CXorf58: variants seen among roughly 807,000 people sequenced by gnomAD.
The protein encoded by CXorf58 is chromosome X open reading frame 58, also known as uncharacterized protein CXorf58.
Under a neutral mutation model 26.0 loss-of-function variants are expected in CXorf58, and 24 were observed. The observed-to-expected ratio is 0.92, with a 90% confidence interval of 0.67 to 1.30. The LOEUF is 1.30. Among genes scored for constraint, CXorf58 ranks in the 50% most tolerant of loss-of-function variants. CXorf58 has a pLI of 0.00. For synonymous variants in CXorf58, 87 were observed against 86.1 expected (o/e 1.01, Z -0.06); for missense variants, 236 against 263.9 (o/e 0.89, Z 0.73).
intron 7 of CXorf58, among the ~76,000 whole-genome samples, chrX:23,936,450 G>A (rs1928299757): frequency 8.9e-6 from 1 of 111,771 alleles, no homozygotes; most frequent in Admixed American, 9.6e-5. Context: ...GGATGTTGTA[G>A]CAAAATAGAT....
intron 7 of CXorf58, 149 bp downstream of exon 7, chrX:23,935,574 G>A (rs1457451183): frequency 6.7e-6 from 3 of 449,602 alleles, no homozygotes; most frequent in Non-Finnish European, 1.1e-5. Flanking sequence ...TTTGTAAACA[G>A]AGCACTAACA....
chrX:23,921,643 CTT>C (rs1318695186), intron 5 of CXorf58, among the ~76,000 whole-genome samples: 1 of 111,388 alleles, frequency 9.0e-6, no homozygotes, highest in African/African-American at 3.3e-5. Context: ...CTCTTTGTCT[CTT>C]TGTGTTTTTT....
rs1305889457 is a variant in CXorf58 at position 23,920,096 on chromosome X, ACTGGGTCGGAC to A, written c.423+3772_423+3782del. Among the ~76,000 whole-genome samples the A allele has an allele frequency of 1.8e-5, 2 of 112,386 alleles. 1 individual carries two copies. The highest frequency in any genetic ancestry group is 1.9e-4 in the Admixed American group (2 of 10,558). ...TGGCCACCACCACCACTGGGACTGC[ACTGGGTCGGAC>A]CTGAAGCAAGCATAGCACTGGGTCT... is the stretch of plus-strand genomic sequence containing the variant. On this transcript the variant is annotated intron_variant, in intron 5 of 8. Coordinates refer to ENST00000379211, the MANE Select transcript of CXorf58 (RefSeq NM_152761.3).
chrX:23,925,623 C>G (rs893351199), intron 5 of CXorf58, among the ~76,000 whole-genome samples: 1 of 109,317 alleles, frequency 9.1e-6, no homozygotes, highest in African/African-American at 3.3e-5. Context: ...GCTGAGATTA[C>G]AGGTGTGAAC....
chrX:23,910,130 G>C (rs1927534123), intron 1 of CXorf58, among the ~76,000 whole-genome samples, 153 bp from the exon 2 acceptor site: 1 of 112,178 alleles, frequency 8.9e-6, no homozygotes, highest in Admixed American at 9.5e-5. Flanking sequence ...AGTACACAAA[G>C]AATGTAAACT....
chrX:23,927,282 A>G lies in CXorf58; in HGVS notation c.467A>G (p.His156Arg), dbSNP rs1312827279. Reference protein sequence around the residue: ...ACKLMGERKFHRIIMEDERIF... With the variant: ...ACKLMGERKFRRIIMEDERIF... ...AAACTAATGGGGGAAAGGAAATTTCACCGTATAATTATGGAAGATGAACGT... is the reference window on the plus strand; with the variant it reads ...AAACTAATGGGGGAAAGGAAATTTCGCCGTATAATTATGGAAGATGAACGT... The change falls in exon 6 of 9, where the codon CAC becomes CGC. Residue 156 changes from histidine (H) to arginine (R), a missense_variant. Transcript: ENST00000379211. The G allele has an allele frequency of 1.7e-6, 2 of 1,163,248 alleles. No homozygotes were observed. Among genetic ancestry groups the G allele is most frequent in the Non-Finnish European group, 2.3e-6 (2 of 863,982 alleles).
At chrX:23,908,777 T>C (rs1467964566) in intron 1 of CXorf58, among the ~76,000 whole-genome samples, 1 of 112,501 alleles carries the variant, frequency 8.9e-6, no homozygotes, top group Non-Finnish European at 1.9e-5. Flanking sequence ...TACAGTGACG[T>C]GCCACTGCCC....
At chrX:23,938,771 C>T in intron 8 of CXorf58, 71 bp downstream of exon 8, 24 of 758,137 alleles carry the variant, frequency 3.2e-5, no homozygotes, top group Non-Finnish European at 4.2e-5. Context: ...GCTGTACTTA[C>T]GTAAATGAAA....
chrX:23,928,049 A>G (rs773984271), intron 6 of CXorf58, among the ~76,000 whole-genome samples: 8 of 111,919 alleles, frequency 7.1e-5, no homozygotes, highest in Non-Finnish European at 7.5e-5. Flanking sequence ...ATCATGTGAT[A>G]TATGGCTTTT....
intron 5 of CXorf58, among the ~76,000 whole-genome samples, chrX:23,921,204 T>C (rs962624624): frequency 9.0e-6 from 1 of 111,441 alleles, no homozygotes; most frequent in African/African-American, 3.3e-5. Flanking sequence ...AGGCAGTGAT[T>C]GGAAATCACT....
At chrX:23,928,646 T>C (rs1423426415) in intron 6 of CXorf58, among the ~76,000 whole-genome samples, 1 of 111,620 alleles carries the variant, frequency 9.0e-6, no homozygotes, top group Non-Finnish European at 1.9e-5. Context: ...TCTGTTATGG[T>C]GAACTGTGAT....
chrX:23,930,196 C>CAAAAA (rs752970734), intron 6 of CXorf58, among the ~76,000 whole-genome samples: 4 of 36,739 alleles, frequency 1.1e-4, no homozygotes, highest in African/African-American at 3.9e-4. Flanking sequence ...GACTCTGTCT[C>CAAAAA]AAAAAAAAAA....
Position 23,937,331 on chromosome X carries a change from T to G in CXorf58, c.786-1216T>G, listed in dbSNP as rs779164793. 7.2e-5 allele frequency among the ~76,000 whole-genome samples: 8 copies of G among 111,595 alleles called. No individual in the cohort carries two copies. In the East Asian group the frequency reaches 2.2e-3, roughly 31 times the overall value. On this transcript the variant is annotated intron_variant, in intron 7 of 8. Coordinates refer to ENST00000379211, the MANE Select transcript of CXorf58 (RefSeq NM_152761.3). ...TGATACATCAACACCCATCAGTCAT[T>G]GGTTAAGGGTTGCTTAGGAAGGGAC...
At chrX:23,938,483 A>G in intron 7 of CXorf58, 64 bp from the exon 8 acceptor site, 1 of 910,097 alleles carries the variant, frequency 1.1e-6, no homozygotes, top group Non-Finnish European at 1.5e-6. Flanking sequence ...GAAATTTGGA[A>G]CTTGCTTTGC....
At chrX:23,913,033 G>GAAAACC (rs1162586113) in intron 3 of CXorf58, among the ~76,000 whole-genome samples, 1 of 109,002 alleles carries the variant, frequency 9.2e-6, no homozygotes, top group Non-Finnish European at 1.9e-5. Flanking sequence ...CTACTTGAGT[G>GAAAACC]AAAACCAAAA....
At chrX:23,924,309 TA>T (rs1394572758) in intron 5 of CXorf58, among the ~76,000 whole-genome samples, 1 of 94,802 alleles carries the variant, frequency 1.1e-5, no homozygotes, top group Non-Finnish European at 1.9e-5. Context: ...TTATTTTATT[TA>T]TTTATTTATT....
rs772655931 is a variant in CXorf58 at position 23,931,240 on chromosome X, G to A, written c.555+3870G>A. Among the ~76,000 whole-genome samples the A allele has an allele frequency of 2.7e-5, 3 of 111,978 alleles. No homozygotes were observed. In the South Asian group the frequency reaches 1.1e-3, roughly 41 times the overall value. On this transcript the variant is annotated intron_variant, in intron 6 of 8. Coordinates refer to ENST00000379211, the MANE Select transcript of CXorf58 (RefSeq NM_152761.3). ...AGGAAATGCCAACTATCTTTGCTAA[G>A]GACAAAGACCACATACTTTCAGATT...
At chrX:23,911,014 G>A (rs778574277) in intron 2 of CXorf58, among the ~76,000 whole-genome samples, 1 of 110,323 alleles carries the variant, frequency 9.1e-6, no homozygotes, top group Admixed American at 9.8e-5. Flanking sequence ...GATCCCACCC[G>A]CCTCGGCCTC....
intron 5 of CXorf58, among the ~76,000 whole-genome samples, chrX:23,919,678 C>A (rs1174978604): frequency 8.9e-6 from 1 of 112,422 alleles, no homozygotes; most frequent in Non-Finnish European, 1.9e-5. Flanking sequence ...CCTGAATGGT[C>A]CTGATGCTTA....
Sources: gnomAD v4.1 joint callset for allele counts (sites outside exome capture counted in the v4.1 genomes callset) on GRCh38, gnomAD v4.1.1 for gene constraint, MANE v1.5 for transcripts, NCBI Gene and HGNC (gene_info 2026-07-23, HGNC 2026-07-21) for gene names.